NAALADL2: variants seen among roughly 807,000 people sequenced by gnomAD.
NAALADL2 encodes inactive N-acetylated-alpha-linked acidic dipeptidase-like protein 2.
A neutral mutation model predicts 87.2 loss-of-function variants in NAALADL2; 76 were observed. The observed-to-expected ratio is 0.87, with a 90% CI of 0.72 to 1.05. The LOEUF (loss-of-function observed/expected upper bound fraction) is 1.05, where lower values mean the gene tolerates loss of function less well. Ranked by LOEUF, NAALADL2 falls within the 50% of genes least tolerant of loss-of-function variation. NAALADL2 has a pLI of 0.00. For missense variants in NAALADL2, 1,089 were observed against 945.8 expected (o/e 1.15, Z -1.99); for synonymous variants, 354 against 331.0 (o/e 1.07, Z -0.75).
At chr3:174,924,316 G>GT (rs886868397) in intron 1 of NAALADL2, among the ~76,000 whole-genome samples, 70 of 149,872 alleles carry the variant, frequency 4.7e-4, no homozygotes, top group Middle Eastern at 3.5e-3. Context: ...GTGGTGTTTG[G>GT]TTTTTTGTCC....
In NAALADL2 at chr3:174,807,888, T is replaced by TGTGTGTGTGTGTGA. The variant is rs575685742; in HGVS notation, c.-9+70143_-9+70144insTGTGTGTGTGTGAG. 1.8e-3 allele frequency among the ~76,000 whole-genome samples: 199 copies of TGTGTGTGTGTGTGA among 111,598 alleles called. 2 individuals carry two copies. The highest frequency in any genetic ancestry group is 5.3e-3 in the African/African-American group (189 of 35,426). 73.2% of individuals were successfully genotyped at this position (111,598 alleles called of 152,430 possible). On this transcript the variant is annotated intron_variant, in intron 3 of 3. Coordinates refer to the NAALADL2 transcript ENST00000434257. ...TTTTCATTGTGTGTGTGTGTGTGTG[T>TGTGTGTGTGTGTGA]GAGAGAGAGAGATATGCAGTGGCAG...
intron 1 of NAALADL2, among the ~76,000 whole-genome samples, chr3:175,065,165 T>C (rs531180409): frequency 1.1e-4 from 17 of 152,214 alleles, no homozygotes; most frequent in Admixed American, 9.8e-4. Flanking sequence ...GGGCGAGACA[T>C]TACTATTGAG....
chr3:174,611,950 C>A (rs547966517), intron 2 of NAALADL2, among the ~76,000 whole-genome samples: 1 of 151,636 alleles, frequency 6.6e-6, no homozygotes, highest in Non-Finnish European at 1.5e-5. Context: ...GACGTGCTCC[C>A]TTTAGCATTT....
intron 9 of NAALADL2, among the ~76,000 whole-genome samples, chr3:175,560,300 C>T (rs1317763920): frequency 6.6e-6 from 1 of 152,058 alleles, no homozygotes; most frequent in African/African-American, 2.4e-5. Flanking sequence ...TCTCTGATTT[C>T]ATTTATGTGG....
At chr3:175,319,792 C>T (rs538340352) in intron 4 of NAALADL2, among the ~76,000 whole-genome samples, 1 of 152,124 alleles carries the variant, frequency 6.6e-6, no homozygotes, top group Non-Finnish European at 1.5e-5. Context: ...TGCAATCCAG[C>T]CTGGGCGACA....
chr3:174,891,134 A>G (rs1196688691), intron 1 of NAALADL2, among the ~76,000 whole-genome samples: 1 of 152,136 alleles, frequency 6.6e-6, no homozygotes, highest in African/African-American at 2.4e-5. Context: ...TTATTAAGTA[A>G]TAGATAAGTA....
intron 1 of NAALADL2, among the ~76,000 whole-genome samples, chr3:174,877,038 A>G (rs1728594458): frequency 6.6e-6 from 1 of 152,072 alleles, no homozygotes; most frequent in African/African-American, 2.4e-5. Context: ...CATGAATCTC[A>G]TTATGAGGGC....
chr3:175,255,072 G>A (rs1393141398), intron 3 of NAALADL2, among the ~76,000 whole-genome samples: 2 of 152,194 alleles, frequency 1.3e-5, no homozygotes, highest in African/African-American at 2.4e-5. Context: ...TGGCAGACAT[G>A]TCTAGTGAGG....
chr3:175,762,248 C>A (rs1047377109), intron 13 of NAALADL2, among the ~76,000 whole-genome samples: 1 of 114,352 alleles, frequency 8.7e-6, no homozygotes. Flanking sequence ...TTTGTTAAGA[C>A]TCTCTTTTCT....
intron 8 of NAALADL2, among the ~76,000 whole-genome samples, chr3:175,467,519 T>C (rs9839614): frequency 0.77 from 116,510 of 152,178 alleles, 45,124 homozygotes; most frequent in African/African-American, 0.87. Flanking sequence ...TACTTATTAT[T>C]TTTCTTTTTC....
chr3:174,696,670 T>G (rs1729050925), intron 2 of NAALADL2, among the ~76,000 whole-genome samples: 1 of 151,638 alleles, frequency 6.6e-6, no homozygotes, highest in South Asian at 2.1e-4. Flanking sequence ...TTTCCATTAC[T>G]GATCTAGGAT....
At chr3:175,204,069 G>T (rs1740462867) in intron 2 of NAALADL2, among the ~76,000 whole-genome samples, 1 of 152,144 alleles carries the variant, frequency 6.6e-6, no homozygotes, top group Admixed American at 6.5e-5. Context: ...GATAGAGAAA[G>T]AAGGAACCCT....
Position 175,187,874 on chromosome 3 carries a change from C to T in NAALADL2, c.546-46057C>T, listed in dbSNP as rs542040398. ...TCCTTGCCTACAAGGAGCAAATAAA[C>T]ACATTATTAATGAGAAGTGTAAGTG... On this transcript the variant is annotated intron_variant, in intron 2 of 13. Coordinates refer to ENST00000454872, the MANE Select transcript of NAALADL2 (RefSeq NM_207015.3). Among the ~76,000 whole-genome samples the T allele has an allele frequency of 2.0e-5, 3 of 152,238 alleles. No individual in the cohort carries two copies. In the South Asian group the frequency reaches 6.2e-4, roughly 32 times the overall value.
chr3:175,507,159 C>T (rs1160828392), intron 9 of NAALADL2, among the ~76,000 whole-genome samples: 7 of 151,928 alleles, frequency 4.6e-5, no homozygotes, highest in African/African-American at 1.5e-4. Flanking sequence ...TTCAACGTTC[C>T]CTCTGTCTGT....
chr3:174,878,410 C>G (rs1014731324), intron 1 of NAALADL2, among the ~76,000 whole-genome samples: 1 of 151,972 alleles, frequency 6.6e-6, no homozygotes, highest in Non-Finnish European at 1.5e-5. Context: ...TATGGCCTAG[C>G]CAACTAGAAC....
intron 2 of NAALADL2, among the ~76,000 whole-genome samples, chr3:175,181,001 G>T (rs2108985911): frequency 6.6e-6 from 1 of 152,106 alleles, no homozygotes; most frequent in East Asian, 1.9e-4. Context: ...CTGTGTGTGT[G>T]GTTGAGGCAG....
intron 5 of NAALADL2, among the ~76,000 whole-genome samples, chr3:175,327,210 C>T (rs1760839983): frequency 7.1e-6 from 1 of 140,090 alleles, no homozygotes; most frequent in Non-Finnish European, 1.5e-5. Context: ...GGCTGGAGTG[C>T]AGCGGCACAA....
chr3:175,787,758 C>T (rs1045896014), intron 13 of NAALADL2, among the ~76,000 whole-genome samples: 1 of 151,730 alleles, frequency 6.6e-6, no homozygotes, highest in Non-Finnish European at 1.5e-5. Flanking sequence ...GCTTTTAGAA[C>T]AAAGATATAA....
chr3:175,588,529 C>CTTTTTTTTTTTTT lies in NAALADL2; in HGVS notation c.1800+12346_1800+12347insTTTTTTTTTTTTT, dbSNP rs1430802993. ...TCAATTTAGGAGACTTTCTTTCTTTCTTTTCTTTTTTTTTTTTTTTTTTTT... is the reference window on the plus strand; with the variant it reads ...TCAATTTAGGAGACTTTCTTTCTTTCTTTTTTTTTTTTTTTTTCTTTTTTTTTTTTTTTTTTTT... On this transcript the variant is annotated intron_variant, in intron 10 of 13. Transcript: ENST00000454872. Among the ~76,000 whole-genome samples the CTTTTTTTTTTTTT allele has an allele frequency of 1.8e-4, 17 of 94,482 alleles. 2 individuals are homozygous for CTTTTTTTTTTTTT. The highest frequency in any genetic ancestry group is 6.4e-4 in the African/African-American group (16 of 25,030). 62.0% of individuals were successfully genotyped at this position (94,482 alleles called of 152,430 possible). A position where few individuals can be genotyped will look rare whatever the true frequency, so the allele number is the denominator to read the frequency against.
Sources: allele counts gnomAD v4.1 joint callset (sites outside exome capture counted in the v4.1 genomes callset), GRCh38; gene constraint gnomAD v4.1.1; transcripts MANE v1.5; gene names NCBI Gene and HGNC (gene_info 2026-07-23, HGNC 2026-07-21).